KDM4C: variants seen among roughly 807,000 people sequenced by gnomAD.
The protein encoded by KDM4C is lysine-specific demethylase 4C.
In KDM4C, 81 loss-of-function variants were observed where a neutral mutation model predicts 129.3. That is an observed-to-expected ratio of 0.63 (90% CI 0.52 to 0.75). The LOEUF is 0.75. KDM4C is among the 30% of genes least tolerant of loss of function. KDM4C has a pLI of 0.00. For missense variants in KDM4C, 1,457 were observed against 1,304.0 expected (o/e 1.12, Z -1.81); for synonymous variants, 573 against 456.1 (o/e 1.26, Z -3.26).
intron 8 of KDM4C, among the ~76,000 whole-genome samples, chr9:6,966,284 G>A (rs1449758224): frequency 4.6e-5 from 7 of 151,966 alleles, no homozygotes; most frequent in Admixed American, 2.6e-4. Flanking sequence ...CCAGGTTCAC[G>A]CCATTCTCCT....
At chr9:6,906,411 A>T (rs997504392) in intron 8 of KDM4C, among the ~76,000 whole-genome samples, 2 of 152,170 alleles carry the variant, frequency 1.3e-5, no homozygotes, top group Non-Finnish European at 1.5e-5. Flanking sequence ...TGTTGTCTCA[A>T]TAGAGTCTAT....
chr9:7,166,170 G>A (rs2130435719), intron 20 of KDM4C, among the ~76,000 whole-genome samples: 1 of 152,290 alleles, frequency 6.6e-6, no homozygotes, highest in Non-Finnish European at 1.5e-5. Context: ...CAAGAAGGTT[G>A]AAGTAAAAGG....
At chr9:7,158,438 G>T (rs541034775) in intron 19 of KDM4C, among the ~76,000 whole-genome samples, 1 of 151,920 alleles carries the variant, frequency 6.6e-6, no homozygotes, top group East Asian at 1.9e-4. Flanking sequence ...TGATGTTAGG[G>T]TGTCGATTTT....
chr9:7,104,042 G>T lies in KDM4C; in HGVS notation c.2610+172G>T, dbSNP rs182231228. On this transcript the variant is annotated intron_variant, in intron 18 of 21. Coordinates refer to ENST00000381309, the MANE Select transcript of KDM4C (RefSeq NM_015061.6). ...TGCGCACTGTTATTTCCTGGTATTT[G>T]CCTAGGACCTGTCAAGTGCCTGGTG... 3.4e-5 allele frequency: 21 copies of T among 612,978 alleles called. No individual in the cohort carries two copies. The African/African-American group carries it at 3.9e-4, about 11-fold the overall frequency. 38.0% of individuals were successfully genotyped at this position (612,978 alleles called of 1,614,324 possible).
At chr9:7,168,453 A>G (rs1205297032) in intron 20 of KDM4C, among the ~76,000 whole-genome samples, 1 of 152,200 alleles carries the variant, frequency 6.6e-6, no homozygotes, top group Non-Finnish European at 1.5e-5. Context: ...TTAAACCTAA[A>G]CCAATCTAAA....
rs1055131604 is a variant in KDM4C at position 6,744,818 on chromosome 9, G to T, written c.49+23821G>T. ...AGCAGAAGAGTCCTTGGGATGCTGAGAGGGAGAAGGACTGCAGAAGGCACC... is the reference window on the plus strand; with the variant it reads ...AGCAGAAGAGTCCTTGGGATGCTGATAGGGAGAAGGACTGCAGAAGGCACC... On this transcript the variant is annotated intron_variant, in intron 1 of 17. Coordinates refer to the KDM4C transcript ENST00000536108. Among the ~76,000 whole-genome samples, 6 of 152,080 alleles carry T rather than the reference G, an allele frequency of 3.9e-5. No individual in the cohort carries two copies. The East Asian group carries it at 9.7e-4, about 25-fold the overall frequency.
At chr9:6,905,036 A>G (rs1157743532) in intron 8 of KDM4C, among the ~76,000 whole-genome samples, 1 of 152,246 alleles carries the variant, frequency 6.6e-6, no homozygotes, top group African/African-American at 2.4e-5. Context: ...GATTTAAAAC[A>G]TTATTGTCCA....
At chr9:6,907,547 T>C (rs1385094755) in intron 8 of KDM4C, among the ~76,000 whole-genome samples, 1 of 152,346 alleles carries the variant, frequency 6.6e-6, no homozygotes, top group East Asian at 1.9e-4. Flanking sequence ...AATATTTAAC[T>C]TGTAGCCAAA....
At position 7,089,374 on chromosome 9, in the gene KDM4C, G is replaced by A. The variant is rs190146742; in HGVS notation, c.2425-14311G>A. On this transcript the variant is annotated intron_variant, in intron 17 of 21. Coordinates refer to ENST00000381309, the MANE Select transcript of KDM4C (RefSeq NM_015061.6). Reference sequence around the variant, plus strand: ...CATTTTCATCTTTTGCAGCAGGATCGAGTTCTTCACAGTATTGACTCAGTG... The same window carrying A: ...CATTTTCATCTTTTGCAGCAGGATCAAGTTCTTCACAGTATTGACTCAGTG... Among the ~76,000 whole-genome samples the A allele has an allele frequency of 5.3e-5, 8 of 152,242 alleles. No individual in the cohort carries two copies. In the South Asian group the frequency reaches 1.5e-3, roughly 28 times the overall value.
chr9:6,812,642 G>A (rs1015618084), intron 3 of KDM4C, among the ~76,000 whole-genome samples: 9 of 152,276 alleles, frequency 5.9e-5, no homozygotes, highest in East Asian at 1.9e-4. Context: ...AGGCAGTAAT[G>A]CTCACCTGCC....
At chr9:6,884,528 A>G (rs1328818800) in intron 6 of KDM4C, among the ~76,000 whole-genome samples, 2 of 152,226 alleles carry the variant, frequency 1.3e-5, no homozygotes, top group African/African-American at 4.8e-5. Flanking sequence ...ATATAAAACC[A>G]CGATAAAACT....
In KDM4C at chr9:6,893,226, C is replaced by G; in HGVS notation, c.915C>G (p.Ala305=). The change falls in exon 8 of 22, where the codon GCC becomes GCG. Residue 305 remains alanine (A), a synonymous_variant. Coordinates refer to ENST00000381309, the MANE Select transcript of KDM4C (RefSeq NM_015061.6). ...GATGGATTGACTATGGAAAAGTTGC[C>G]AAATTGGTAAGCTATGCCTCAAAAA... ...TVRWIDYGKV[A]KLCTCRKDMV... is the part of the protein sequence containing the mutation. 2 of 1,607,840 alleles carry G rather than the reference C, an allele frequency of 1.2e-6. No homozygotes were observed. Among genetic ancestry groups the G allele is most frequent in the Admixed American group, 1.7e-5 (1 of 58,974 alleles).
intron 8 of KDM4C, among the ~76,000 whole-genome samples, chr9:6,954,415 T>G (rs1213013199): frequency 6.6e-6 from 1 of 152,192 alleles, no homozygotes; most frequent in African/African-American, 2.4e-5. Context: ...AGCTCATAAT[T>G]GTTTGTTATA....
chr9:6,779,500 C>G (rs904845978), intron 1 of KDM4C, among the ~76,000 whole-genome samples: 10 of 152,152 alleles, frequency 6.6e-5, no homozygotes, highest in Non-Finnish European at 1.5e-4. Context: ...GTGAAACAAA[C>G]AGGTTCCACA....
At chr9:6,834,920 G>T in intron 4 of KDM4C, 1 of 1,170,596 alleles carries the variant, frequency 8.5e-7, no homozygotes, top group Non-Finnish European at 1.3e-6. Flanking sequence ...GATGGACTCC[G>T]GTGACGGGGT....
chr9:6,962,454 T>G (rs571029184), intron 8 of KDM4C, among the ~76,000 whole-genome samples: 1 of 152,184 alleles, frequency 6.6e-6, no homozygotes, highest in Non-Finnish European at 1.5e-5. Flanking sequence ...AATCACATAA[T>G]CAGACCGTAT....
intron 8 of KDM4C, among the ~76,000 whole-genome samples, chr9:6,914,409 G>A (rs1022684608): frequency 1.3e-5 from 2 of 152,174 alleles, no homozygotes. Context: ...GTCTAAGACA[G>A]TAACAGATGA....
At chr9:6,962,092 T>A (rs564445511) in intron 8 of KDM4C, among the ~76,000 whole-genome samples, 1 of 152,332 alleles carries the variant, frequency 6.6e-6, no homozygotes, top group South Asian at 2.1e-4. Context: ...ACCAGGGGGC[T>A]CTATTGGCTG....
At chr9:6,747,539 C>CTAAA (rs1817923464) in intron 1 of KDM4C, among the ~76,000 whole-genome samples, 7 of 97,976 alleles carry the variant, frequency 7.1e-5, no homozygotes, top group African/African-American at 1.1e-4. Flanking sequence ...CAGGGCGATT[C>CTAAA]AAAAAAAAAA....
Sources: allele counts gnomAD v4.1 joint callset (sites outside exome capture counted in the v4.1 genomes callset), GRCh38; gene constraint gnomAD v4.1.1; transcripts MANE v1.5; gene names NCBI Gene and HGNC (gene_info 2026-07-23, HGNC 2026-07-21).